Variants in TRMT11 observed in about 807,000 individuals in gnomAD.
TRMT11 encodes tRNA (guanine(10)-N(2))-methyltransferase TRMT11.
In TRMT11, 53 loss-of-function variants were observed where a neutral mutation model predicts 62.8. That is an observed-to-expected ratio of 0.84 (90% confidence interval 0.68 to 1.06). The LOEUF (loss-of-function observed/expected upper bound fraction) is 1.06. Ranked by LOEUF, TRMT11 falls within the 50% of genes least tolerant of loss-of-function variation. The pLI is 0.00. For synonymous variants in TRMT11, 188 were observed against 190.3 expected (o/e 0.99, Z 0.10); for missense variants, 556 against 553.4 (o/e 1.00, Z -0.05).
chr6:126,123,910 TA>T (rs1283625779), intron 21 of TRMT11, among the ~76,000 whole-genome samples: 4 of 152,170 alleles, frequency 2.6e-5, no homozygotes, highest in South Asian at 2.1e-4. Flanking sequence ...TGAGTTTTTT[TA>T]AAAACTTAAG....
the TRMT11 span, among the ~76,000 whole-genome samples, chr6:126,263,764 G>T: frequency 1.3e-5 from 2 of 152,132 alleles, no homozygotes; most frequent in African/African-American, 4.8e-5. Context: ...ACCCAAAACT[G>T]CAGAGAGAGG....
chr6:126,260,181 A>C, the TRMT11 span, among the ~76,000 whole-genome samples: 1 of 152,000 alleles, frequency 6.6e-6, no homozygotes, highest in East Asian at 1.9e-4. Context: ...TTTGGTGTGA[A>C]GCTTTCTCCT....
At chr6:126,180,276 G>A (rs1466138283) in intron 1 of TRMT11, among the ~76,000 whole-genome samples, 1 of 152,086 alleles carries the variant, frequency 6.6e-6, no homozygotes, top group Non-Finnish European at 1.5e-5. Context: ...TATATTTTAT[G>A]CCATTCAAAT....
At position 125,986,556 on chromosome 6, in the gene TRMT11, G is replaced by T. The variant is rs1047329170; in HGVS notation, c.6G>T (p.Ala2=). 6 of 1,589,184 alleles carry T rather than the reference G, an allele frequency of 3.8e-6. No individual in the cohort carries two copies. Among genetic ancestry groups the T allele is most frequent in the Non-Finnish European group, 5.1e-6 (6 of 1,170,254 alleles). The change falls in exon 1 of 13, where the codon GCG becomes GCT. Residue 2 remains alanine, a synonymous_variant. Coordinates refer to ENST00000334379, the MANE Select transcript of TRMT11 (RefSeq NM_001031712.3). The part of the protein sequence containing the change: M[A]LSCTLNRYLL... Reference sequence around the variant, plus strand: ...GCGCACGGTGGGCAGCTGCAATGGCGCTGTCGTGTACCCTTAACAGGTATC... The same window carrying T: ...GCGCACGGTGGGCAGCTGCAATGGCTCTGTCGTGTACCCTTAACAGGTATC...
At chr6:126,138,606 C>G (rs1777879162) in intron 21 of TRMT11, among the ~76,000 whole-genome samples, 1 of 151,908 alleles carries the variant, frequency 6.6e-6, no homozygotes, top group Non-Finnish European at 1.5e-5. Flanking sequence ...GAAAAGTTTG[C>G]TATTATTTTT....
chr6:126,168,209 G>C (rs1379967611), intron 21 of TRMT11, among the ~76,000 whole-genome samples: 1 of 152,162 alleles, frequency 6.6e-6, no homozygotes. Flanking sequence ...GGCAACCTCA[G>C]CCCTCCTAGA....
intron 17 of TRMT11, among the ~76,000 whole-genome samples, chr6:126,063,636 G>A (rs1776601951): frequency 6.6e-6 from 1 of 152,216 alleles, no homozygotes; most frequent in African/African-American, 2.4e-5. Context: ...TGGGTCTGAG[G>A]TGAAGCCTGA....
intron 17 of TRMT11, among the ~76,000 whole-genome samples, chr6:126,078,704 T>C (rs1777090200): frequency 6.6e-6 from 1 of 152,128 alleles, no homozygotes; most frequent in African/African-American, 2.4e-5. Context: ...TTCCGTCAAC[T>C]TGAGCGACCA....
chr6:126,012,346 TAAAG>T (rs1396737696), intron 9 of TRMT11, among the ~76,000 whole-genome samples: 1 of 152,190 alleles, frequency 6.6e-6, no homozygotes, highest in African/African-American at 2.4e-5. Context: ...TTACTAAGAA[TAAAG>T]ATAGTCTCTT....
At chr6:126,022,642 G>A (rs910115260) in intron 12 of TRMT11, among the ~76,000 whole-genome samples, 10 of 152,202 alleles carry the variant, frequency 6.6e-5, no homozygotes, top group African/African-American at 2.4e-4. Flanking sequence ...ACTACCTTAT[G>A]CAAAATCTTT....
the TRMT11 span, among the ~76,000 whole-genome samples, chr6:126,226,144 T>TA: frequency 6.6e-5 from 10 of 152,312 alleles, 1 homozygote; most frequent in Admixed American, 2.0e-4. Flanking sequence ...GCATTTATGT[T>TA]AGAGAGTAAG....
downstream of TRMT11, among the ~76,000 whole-genome samples, chr6:126,205,898 T>TACACAC (rs59880424): frequency 2.6e-4 from 37 of 143,070 alleles, no homozygotes; most frequent in African/African-American, 5.9e-4. Context: ...TGTGAGAGGG[T>TACACAC]ACACACACAC....
intron 21 of TRMT11, among the ~76,000 whole-genome samples, chr6:126,171,553 A>AT (rs553554757): frequency 3.5e-4 from 52 of 148,696 alleles, no homozygotes; most frequent in Admixed American, 1.1e-3. Context: ...TGAAACCAAG[A>AT]TTTTTTTTTT....
intron 17 of TRMT11, among the ~76,000 whole-genome samples, chr6:126,100,090 T>C (rs1185210318): frequency 6.6e-6 from 1 of 152,130 alleles, no homozygotes. Context: ...ATGCTTTGAG[T>C]TGAAAGTTAG....
chr6:126,132,519 A>G (rs1777797625), intron 21 of TRMT11, among the ~76,000 whole-genome samples: 1 of 151,998 alleles, frequency 6.6e-6, no homozygotes, highest in South Asian at 2.1e-4. Context: ...TCCTATATCT[A>G]TCTCAATGTA....
chr6:126,259,476 C>T, the TRMT11 span, among the ~76,000 whole-genome samples: 4 of 152,216 alleles, frequency 2.6e-5, no homozygotes, highest in African/African-American at 7.2e-5. Flanking sequence ...GGATTATAGG[C>T]GTGAGCCACC....
the TRMT11 span, chr6:126,258,026 G>A: frequency 1.1e-4 from 159 of 1,460,662 alleles, no homozygotes; most frequent in Non-Finnish European, 1.5e-4. Flanking sequence ...GCAGCTCCTC[G>A]ACCCTGGCAG....
the TRMT11 span, among the ~76,000 whole-genome samples, chr6:126,224,123 G>A: frequency 2.0e-5 from 3 of 152,248 alleles, no homozygotes; most frequent in Admixed American, 6.5e-5. Context: ...TGCCACCCAG[G>A]TTCTGAATTC....
Position 126,099,689 on chromosome 6 carries a change from G to A in TRMT11, c.*1438-13177G>A, listed in dbSNP as rs574894736. Among the ~76,000 whole-genome samples, 4 of 152,326 alleles carry A rather than the reference G, an allele frequency of 2.6e-5. No individual in the cohort carries two copies. The East Asian group carries it at 7.7e-4, about 29-fold the overall frequency. On this transcript the variant is annotated intron_variant and NMD_transcript_variant, in intron 17 of 22. Transcript: ENST00000648977. The stretch of plus-strand genomic sequence containing the variant: ...TTGTACAGGGGAGGCGGAAGTTGCG[G>A]TGAGCTGAGATCGTGCCACTGCACT...
Sources: allele counts gnomAD v4.1 joint callset (sites outside exome capture counted in the v4.1 genomes callset), GRCh38; gene constraint gnomAD v4.1.1; transcripts MANE v1.5; gene names NCBI Gene and HGNC (gene_info 2026-07-23, HGNC 2026-07-21).